Variants in UBAP2 observed in about 807,000 individuals in gnomAD.
UBAP2 encodes ubiquitin-associated protein 2.
Under a neutral mutation model 139.6 loss-of-function variants are expected in UBAP2, and 75 were observed. The ratio of observed to expected loss-of-function variants is 0.54; its 90% CI spans 0.45 to 0.65. UBAP2 has a LOEUF of 0.65. Ranked by LOEUF, UBAP2 falls within the 30% of genes least tolerant of loss-of-function variation. The pLI is 0.00. For synonymous variants in UBAP2, 526 were observed against 526.2 expected, an observed-to-expected ratio of 1.00 and a Z score of 0.01; for missense variants, 1,368 against 1,369.6, an observed-to-expected ratio of 1.00 and a Z score of 0.02.
chr9:34,009,884 C>T (rs549062680), intron 2 of UBAP2, among the ~76,000 whole-genome samples: 1 of 146,558 alleles, frequency 6.8e-6, no homozygotes, highest in African/African-American at 2.5e-5. Context: ...CTCTGCTCAT[C>T]GCAACTTCCG....
intron 2 of UBAP2, among the ~76,000 whole-genome samples, chr9:34,013,876 C>CAA (rs931938771): frequency 3.0e-5 from 4 of 134,826 alleles, no homozygotes; most frequent in Non-Finnish European, 6.4e-5. Context: ...GGCTCCATCT[C>CAA]AAAAAAAAAA....
At chr9:33,957,236 A>T (rs1351230896) in intron 10 of UBAP2, among the ~76,000 whole-genome samples, 2 of 152,204 alleles carry the variant, frequency 1.3e-5, no homozygotes, top group Non-Finnish European at 2.9e-5. Flanking sequence ...TATTATTTTT[A>T]AAAAATTAAT....
rs1049573901 is a variant in UBAP2 at position 34,014,063 on chromosome 9, C to A, written c.99+2987G>T. 3.3e-5 allele frequency among the ~76,000 whole-genome samples: 5 copies of A among 151,738 alleles called. No individual in the cohort carries two copies. The East Asian group carries it at 9.7e-4, about 29-fold the overall frequency. Reference sequence around the variant, plus strand: ...AAGGGCCAGGTGCAGTGGCTCACACCTGTAATCCCAACACCTTGGGAGATC... The same window carrying A: ...AAGGGCCAGGTGCAGTGGCTCACACATGTAATCCCAACACCTTGGGAGATC... On this transcript the variant is annotated intron_variant, in intron 2 of 28. Transcript: ENST00000379238.
chr9:33,956,383 A>G (rs911962701), intron 10 of UBAP2, among the ~76,000 whole-genome samples: 31 of 148,122 alleles, frequency 2.1e-4, no homozygotes, highest in Non-Finnish European at 4.3e-4. Flanking sequence ...CAGTGACGTG[A>G]TCTCGGCTCA....
At chr9:33,959,022 AT>A (rs1010286700) in intron 10 of UBAP2, among the ~76,000 whole-genome samples, 19 of 151,990 alleles carry the variant, frequency 1.3e-4, no homozygotes, top group Admixed American at 2.0e-4. Flanking sequence ...GGTGGCGTGC[AT>A]CTATAATTCC....
intron 6 of UBAP2, among the ~76,000 whole-genome samples, chr9:33,980,235 T>C (rs1359348368): frequency 2.0e-5 from 2 of 101,244 alleles, no homozygotes; most frequent in Admixed American, 1.0e-4. Flanking sequence ...TTTTTTTTTT[T>C]TTTTTTTTTT....
chr9:33,981,062 TTC>T (rs1439302309), intron 6 of UBAP2, among the ~76,000 whole-genome samples: 3 of 46,392 alleles, frequency 6.5e-5, no homozygotes, highest in African/African-American at 2.6e-4. Context: ...GCTTATTTAC[TTC>T]ATATATATAT....
At chr9:34,011,488 T>C (rs1336907789) in intron 2 of UBAP2, 2 of 334,070 alleles carry the variant, frequency 6.0e-6, no homozygotes, top group Non-Finnish European at 8.5e-6. Context: ...TGAAAATAAA[T>C]TTTAATGAGA....
chr9:33,986,684 G>A (rs929843259), intron 6 of UBAP2, 76 bp downstream of exon 6: 1 of 1,211,034 alleles, frequency 8.3e-7, no homozygotes, highest in Non-Finnish European at 1.2e-6. Context: ...GCCATCCCTA[G>A]TCACAGTCCA....
chr9:33,998,161 G>A (rs1822353273), intron 3 of UBAP2: 1 of 152,170 alleles, frequency 6.6e-6, no homozygotes, highest in Non-Finnish European at 1.5e-5. Flanking sequence ...CAGCACTCTG[G>A]GAGGCCAAGG....
In UBAP2 at chr9:33,922,855, A is replaced by T; in HGVS notation, c.3096T>A (p.His1032Gln). The part of the protein sequence containing the change: ...KTQTFDKQGF[H>Q]AGTPPPFSLP... Reference sequence around the variant, plus strand: ...GGCTGAAAGGTGGAGGCGTCCCTGCATGAAATCCCTGCTTGTCAAAAGTCT... The same window carrying T: ...GGCTGAAAGGTGGAGGCGTCCCTGCTTGAAATCCCTGCTTGTCAAAAGTCT... The change falls in exon 28 of 29, where the codon CAT (histidine) becomes CAA (glutamine). Residue 1032 changes from histidine (H) to glutamine (Q), a missense_variant. Coordinates refer to ENST00000379238, the MANE Select transcript of UBAP2 (RefSeq NM_001370062.2). 1.3e-6 allele frequency: 2 copies of T among 1,589,250 alleles called. No individual in the cohort carries two copies. The highest frequency in any genetic ancestry group is 1.7e-6 in the Non-Finnish European group (2 of 1,165,462).
chr9:33,926,611 A>C lies in UBAP2; in HGVS notation c.2511+6T>G, dbSNP rs1587502550. 1 of 1,614,050 alleles carries C rather than the reference A, an allele frequency of 6.2e-7. No homozygotes were observed. Among genetic ancestry groups the C allele is most frequent in the Non-Finnish European group, 8.5e-7 (1 of 1,180,000 alleles). On this transcript the variant is annotated splice_donor_region_variant and intron_variant, in intron 22 of 28. Coordinates refer to ENST00000379238, the MANE Select transcript of UBAP2 (RefSeq NM_001370062.2). ...CTCTGCTCCGACCAGTCCATACCCC[A>C]CTCACCACTGGCAGCCGTGACTGCA...
At chr9:33,977,742 A>C (rs557789715) in intron 6 of UBAP2, among the ~76,000 whole-genome samples, 3 of 151,272 alleles carry the variant, frequency 2.0e-5, no homozygotes, top group Non-Finnish European at 4.4e-5. Context: ...GGCTCACCAC[A>C]ACCTCAGCCT....
intron 1 of UBAP2, among the ~76,000 whole-genome samples, chr9:34,028,164 T>C (rs1225344728): frequency 6.6e-6 from 1 of 152,034 alleles, no homozygotes; most frequent in African/African-American, 2.4e-5. Context: ...CAAAGTTATC[T>C]GCTGTTCCAT....
At position 33,927,975 on chromosome 9, in the gene UBAP2, G is replaced by A. The variant is rs565279290; in HGVS notation, c.2193C>T (p.Ser731=). The part of the protein sequence containing the change: ...STSHTHASVE[S]ASSHQSSATF... ...TGGCTGAGGACTGGTGGGAAGAGGCGCTCTCCACACTGGCATGCTGGCAAA... is the reference window on the plus strand; with the variant it reads ...TGGCTGAGGACTGGTGGGAAGAGGCACTCTCCACACTGGCATGCTGGCAAA... The change falls in exon 20 of 29, where the codon AGC becomes AGT. Residue 731 remains serine, a synonymous_variant. Coordinates refer to ENST00000379238, the MANE Select transcript of UBAP2 (RefSeq NM_001370062.2). 27 of 1,612,978 alleles carry A rather than the reference G, an allele frequency of 1.7e-5. No homozygotes were observed. Among genetic ancestry groups the A allele is most frequent in the African/African-American group, 4.0e-5 (3 of 75,036 alleles).
At chr9:34,001,471 C>T (rs1347525591) in intron 2 of UBAP2, among the ~76,000 whole-genome samples, 1 of 152,160 alleles carries the variant, frequency 6.6e-6, no homozygotes, top group Non-Finnish European at 1.5e-5. Context: ...CTTAGAGTCA[C>T]AAGAGTTCAT....
At chr9:33,945,657 G>A (rs904186320) in intron 13 of UBAP2, among the ~76,000 whole-genome samples, 1 of 151,988 alleles carries the variant, frequency 6.6e-6, no homozygotes, top group African/African-American at 2.4e-5. Flanking sequence ...AATATATATA[G>A]ACAGACAGAC....
chr9:34,034,585 A>G (rs1826164514), intron 1 of UBAP2, among the ~76,000 whole-genome samples: 1 of 152,084 alleles, frequency 6.6e-6, no homozygotes, highest in Non-Finnish European at 1.5e-5. Context: ...CTAAAGAACC[A>G]CTCAACTGGC....
At chr9:33,991,409 G>T (rs1031594754) in intron 4 of UBAP2, among the ~76,000 whole-genome samples, 1 of 152,116 alleles carries the variant, frequency 6.6e-6, no homozygotes, top group African/African-American at 2.4e-5. Context: ...TCAAATTCAG[G>T]AGACTAAGTA....
Sources: gnomAD v4.1 joint callset for allele counts (sites outside exome capture counted in the v4.1 genomes callset) on GRCh38, gnomAD v4.1.1 for gene constraint, MANE v1.5 for transcripts, NCBI Gene and HGNC (gene_info 2026-07-23, HGNC 2026-07-21) for gene names.